The following MEIOB variants were observed in gnomAD, a reference collection of about 807,000 sequenced individuals.
MEIOB encodes the protein meiosis-specific with OB domain-containing protein.
Under a neutral mutation model 53.1 loss-of-function variants are expected in MEIOB, and 50 were observed. The observed-to-expected ratio is 0.94, with a 90% confidence interval of 0.75 to 1.19. The LOEUF (loss-of-function observed/expected upper bound fraction) is 1.19. Ranked by LOEUF, MEIOB falls within the 50% of genes most tolerant of loss-of-function variation. The pLI is 0.00. For missense variants in MEIOB, 551 were observed against 550.8 expected (o/e 1.00, Z 0.00); for synonymous variants, 192 against 182.5 (o/e 1.05, Z -0.42).
chr16:1,839,594 C>T, intron 11 of MEIOB, 156 bp from the exon 12 acceptor site: 1 of 617,780 alleles, frequency 1.6e-6, no homozygotes, highest in Non-Finnish European at 2.7e-6. Context: ...TCGTAAAAAA[C>T]AGTAAAACAC....
chr16:1,867,493 T>TCC lies in MEIOB; in HGVS notation c.69+613_69+614insGG, dbSNP rs1283449295. 4.1e-3 allele frequency among the ~76,000 whole-genome samples: 537 copies of TCC among 132,202 alleles called. 20 individuals carry two copies. Among genetic ancestry groups the TCC allele is most frequent in the African/African-American group, 0.014 (509 of 35,256 alleles). 86.7% of individuals were successfully genotyped at this position (132,202 alleles called of 152,430 possible). A position where few individuals can be genotyped will look rare whatever the true frequency, so the allele number is the denominator to read the frequency against. On this transcript the variant is annotated intron_variant, in intron 2 of 13. Coordinates refer to ENST00000325962, the MANE Select transcript of MEIOB (RefSeq NM_001163560.3). ...TTTTTTTTTTTTTTTTTTTTTTTTTTCAGAAGAGTTTTGCTCTTGTTGCCC... is the reference window on the plus strand; with the variant it reads ...TTTTTTTTTTTTTTTTTTTTTTTTTTCCCAGAAGAGTTTTGCTCTTGTTGCCC...
intron 6 of MEIOB, among the ~76,000 whole-genome samples, chr16:1,855,226 G>A (rs5006375): frequency 0.83 from 125,369 of 151,876 alleles, 51,868 homozygotes; most frequent in Middle Eastern, 0.9. Context: ...GAGGTCAGGA[G>A]TTCAAGACTA....
chr16:1,857,655 C>T (rs1899339700), intron 6 of MEIOB, 80 bp downstream of exon 6: 1 of 1,113,058 alleles, frequency 9.0e-7, no homozygotes, highest in Admixed American at 2.6e-5. Flanking sequence ...CTGATCGTGA[C>T]CACTCCATCC....
intron 1 of MEIOB, among the ~76,000 whole-genome samples, chr16:1,869,083 C>G (rs900321220): frequency 6.6e-5 from 10 of 151,948 alleles, no homozygotes; most frequent in Admixed American, 1.3e-4. Context: ...TTTTTGAGCA[C>G]CATGTAAATT....
At chr16:1,856,751 C>T (rs922358628) in intron 6 of MEIOB, among the ~76,000 whole-genome samples, 9 of 143,034 alleles carry the variant, frequency 6.3e-5, no homozygotes, top group East Asian at 4.1e-4. Context: ...TGAGCCACCA[C>T]GCCAGGCCTT....
rs747656917 is a variant in MEIOB at position 1,853,205 on chromosome 16, T to G, written c.682+14A>C. The G allele has an allele frequency of 1.3e-6, 2 of 1,556,354 alleles. No individual in the cohort carries two copies. Among genetic ancestry groups the G allele is most frequent in the South Asian group, 2.3e-5 (2 of 85,492 alleles). ...AAATGACAAATATTGGACACAATCATTGAATGATAATACCTGTTTCTCGTG... is the reference window on the plus strand; with the variant it reads ...AAATGACAAATATTGGACACAATCAGTGAATGATAATACCTGTTTCTCGTG... On this transcript the variant is annotated intron_variant, in intron 8 of 13. Transcript: ENST00000325962.
chr16:1,862,135 T>C lies in MEIOB; in HGVS notation c.128-19A>G, dbSNP rs1184070113. ...CCAATATCTAAGGGAAAACCAATGC[T>C]TTTATTTTTCAAATGAAGAGTTTCA... On this transcript the variant is annotated intron_variant, in intron 3 of 13. Transcript: ENST00000325962. 3 of 1,544,608 alleles carry C rather than the reference T, an allele frequency of 1.9e-6. No individual in the cohort carries two copies. The highest frequency in any genetic ancestry group is 2.4e-5 in the South Asian group (2 of 82,704).
chr16:1,837,840 G>A lies in MEIOB; in HGVS notation c.1249C>T (p.Gln417Ter). The A allele has an allele frequency of 1.3e-6, 2 of 1,534,526 alleles. No individual in the cohort carries two copies. The highest frequency in any genetic ancestry group is 2.5e-5 in the South Asian group (2 of 80,346). ...AATTGCCACTTTAATGCTGTTTTCT[G>A]TTCATCTGTCATTGCAAGAAACTCA... ...VHEFLAMTDE[Q>*]KTALKWQFLL... The change falls in exon 13 of 14, where the codon CAG becomes TAG. Residue 417 changes from glutamine (Q) to a stop codon, truncating the protein, a stop_gained. Transcript: ENST00000325962. LOFTEE classifies it high-confidence loss of function.
chr16:1,841,745 TAGAG>T (rs1898916598), intron 11 of MEIOB, 71 bp downstream of exon 11: 1 of 1,166,700 alleles, frequency 8.6e-7, no homozygotes, highest in Non-Finnish European at 1.1e-6. Context: ...CTTTAACTTT[TAGAG>T]AGCTTAAAAT....
chr16:1,856,126 C>G (rs1198401669), intron 6 of MEIOB, among the ~76,000 whole-genome samples: 1 of 150,942 alleles, frequency 6.6e-6, no homozygotes, highest in South Asian at 2.1e-4. Context: ...TCCTGAGTAG[C>G]TGGGACTCCA....
rs369449926 is a variant in MEIOB, at chr16:1,868,155, C to T, written c.21G>A (p.Ala7=). ...GATCTGAAAGGGTAGTGAAAATCCT[C>T]GCTGCAAAGGAGTTTGCCATTTTTT... MANSFA[A]RIFTTLSDLQ... is the part of the protein sequence containing the mutation. Residue 7 remains alanine, a synonymous_variant, in exon 2 of 14, where the codon GCG becomes GCA. Transcript: ENST00000325962. The T allele has an allele frequency of 1.3e-4, 203 of 1,531,730 alleles. No individual in the cohort carries two copies. In the African/African-American group the frequency reaches 2.1e-3, roughly 16 times the overall value. The allele number at this position is 1,531,730 out of a possible 1,614,324, so 94.9% of individuals were successfully genotyped here. A position where few individuals can be genotyped will look rare whatever the true frequency, so the allele number is the denominator to read the frequency against.
intron 11 of MEIOB, chr16:1,839,795 A>AC: frequency 1.1e-5 from 2 of 180,396 alleles, no homozygotes; most frequent in South Asian, 1.3e-4. Flanking sequence ...ACGCCTCAGG[A>AC]CTGACTGGTG....
intron 5 of MEIOB, among the ~76,000 whole-genome samples, chr16:1,859,714 G>T (rs564810174): frequency 1.3e-5 from 2 of 152,110 alleles, no homozygotes; most frequent in African/African-American, 4.8e-5. Context: ...CAGTTGATGC[G>T]AGTGTAAATG....
intron 3 of MEIOB, 48 bp from the exon 4 acceptor site, chr16:1,862,164 G>A (rs927985915): frequency 1.9e-5 from 28 of 1,465,620 alleles, no homozygotes; most frequent in East Asian, 7.4e-5. Context: ...AGTTTCAATC[G>A]CTTCTCTGCC....
At chr16:1,847,391 G>A (rs942966625) in intron 9 of MEIOB, among the ~76,000 whole-genome samples, 1 of 151,966 alleles carries the variant, frequency 6.6e-6, no homozygotes, top group Non-Finnish European at 1.5e-5. Context: ...GAACCCTGGA[G>A]GCGGAGGTTG....
At chr16:1,855,923 GT>G (rs1899287451) in intron 6 of MEIOB, among the ~76,000 whole-genome samples, 1 of 100,500 alleles carries the variant, frequency 1.0e-5, no homozygotes, top group African/African-American at 4.6e-5. Flanking sequence ...AAGCATGTGT[GT>G]TTTTTCCTTT....
intron 9 of MEIOB, among the ~76,000 whole-genome samples, chr16:1,845,736 G>C (rs1489312551): frequency 6.6e-6 from 1 of 152,056 alleles, no homozygotes; most frequent in Non-Finnish European, 1.5e-5. Flanking sequence ...AAAAAGCCTA[G>C]CTCCCCACAT....
intron 10 of MEIOB, among the ~76,000 whole-genome samples, chr16:1,843,119 C>A (rs1898953879): frequency 6.7e-6 from 1 of 150,184 alleles, no homozygotes. Flanking sequence ...ATGGTGAAAC[C>A]CTGTCTCTAC....
Position 1,861,991 on chromosome 16 carries a change from C to A in MEIOB, c.253G>T (p.Asp85Tyr). The A allele has an allele frequency of 6.5e-7, 1 of 1,549,584 alleles. No homozygotes were observed. Among genetic ancestry groups the A allele is most frequent in the South Asian group, 1.2e-5 (1 of 83,388 alleles). The change falls in exon 4 of 14, where the codon GAC (aspartate) becomes TAC (tyrosine). Residue 85 changes from aspartate (D) to tyrosine (Y), a missense_variant. Coordinates refer to ENST00000325962, the MANE Select transcript of MEIOB (RefSeq NM_001163560.3). The stretch of plus-strand genomic sequence containing the variant: ...AGAATCAATGCCAACTTACCACAGT[C>A]ACCAACCCTAAAGCTGTCAGAAAGA... ...KSLSDSFRVG[D>Y]CVIIENPLIQ...
Sources: gnomAD v4.1 joint callset for allele counts (sites outside exome capture counted in the v4.1 genomes callset) on GRCh38, gnomAD v4.1.1 for gene constraint, MANE v1.5 for transcripts, NCBI Gene and HGNC (gene_info 2026-07-23, HGNC 2026-07-21) for gene names.